Variants in TMEM230 observed in about 807,000 individuals in gnomAD.
TMEM230 encodes UPF0414 transmembrane protein C20orf30.
TMEM230 carries 10 observed loss-of-function variants against 15.8 expected under a neutral mutation model. That is an observed-to-expected ratio of 0.63 (90% CI 0.39 to 1.07). The LOEUF (loss-of-function observed/expected upper bound fraction) is 1.07, where lower values mean the gene tolerates loss of function less well. Ranked by LOEUF, TMEM230 falls within the 50% of genes least tolerant of loss-of-function variation. TMEM230 has a pLI of 0.01. For synonymous variants in TMEM230, 67 were observed against 76.9 expected, an observed-to-expected ratio of 0.87 and a Z score of 0.68; for missense variants, 165 against 193.3, an observed-to-expected ratio of 0.85 and a Z score of 0.87.
chr20:5,059,894 G>A, the TMEM230 span, among the ~76,000 whole-genome samples: 1 of 126,274 alleles, frequency 7.9e-6, no homozygotes, highest in Non-Finnish European at 1.7e-5. Flanking sequence ...GTTCTCCTGC[G>A]TCAGCCTCCT....
intron 3 of TMEM230, among the ~76,000 whole-genome samples, chr20:5,092,693 C>T (rs988854619): frequency 7.6e-5 from 9 of 118,980 alleles, no homozygotes; most frequent in African/African-American, 2.3e-4. Flanking sequence ...CCAGCCTGGG[C>T]AACAAGAGCA....
At chr20:5,083,285 A>ATTTTTTTTTTTTTTTTTTTTTTT (rs71197748) in intron 3 of TMEM230, among the ~76,000 whole-genome samples, 1 of 119,938 alleles carries the variant, frequency 8.3e-6, no homozygotes, top group Non-Finnish European at 1.7e-5. Flanking sequence ...GGTTAGGGAG[A>ATTTTTTTTTTTTTTTTTTTTTTT]TTTTTTTTTT....
At chr20:5,087,621 T>C (rs2089381855) in intron 3 of TMEM230, among the ~76,000 whole-genome samples, 1 of 146,830 alleles carries the variant, frequency 6.8e-6, no homozygotes, top group South Asian at 2.3e-4. Context: ...TCCCCTACCC[T>C]AGCTGGGGGT....
intron 4 of TMEM230, among the ~76,000 whole-genome samples, chr20:5,105,700 A>C (rs2090048114): frequency 6.6e-6 from 1 of 152,150 alleles, no homozygotes; most frequent in African/African-American, 2.4e-5. Context: ...AAAATACCTC[A>C]TGTATCCCCT....
chr20:5,095,690 T>G (rs1189200631), downstream of TMEM230, among the ~76,000 whole-genome samples: 3 of 152,156 alleles, frequency 2.0e-5, no homozygotes, highest in African/African-American at 7.2e-5. Flanking sequence ...CAGTCAGCGC[T>G]TCTCAGACAC....
At chr20:5,094,026 T>C (rs2089590782) in intron 3 of TMEM230, among the ~76,000 whole-genome samples, 1 of 150,872 alleles carries the variant, frequency 6.6e-6, no homozygotes, top group African/African-American at 2.4e-5. Flanking sequence ...CAATCTTGGC[T>C]TGGCTCACTG....
chr20:5,075,999 C>T (rs2088981536), intron 3 of TMEM230, among the ~76,000 whole-genome samples: 1 of 151,730 alleles, frequency 6.6e-6, no homozygotes, highest in Non-Finnish European at 1.5e-5. Flanking sequence ...GTACTAGCTA[C>T]TTGTGGGGCT....
At chr20:5,103,230 G>A (rs1190887032) in intron 4 of TMEM230, among the ~76,000 whole-genome samples, 1 of 152,190 alleles carries the variant, frequency 6.6e-6, no homozygotes, top group African/African-American at 2.4e-5. Context: ...GGGAGGCTGA[G>A]GCAGGAGGAT....
At chr20:5,081,361 T>C (rs2089168671) in intron 3 of TMEM230, among the ~76,000 whole-genome samples, 1 of 152,174 alleles carries the variant, frequency 6.6e-6, no homozygotes, top group African/African-American at 2.4e-5. Flanking sequence ...CATGCCCTTT[T>C]TCTAAGTAGA....
intron 3 of TMEM230, among the ~76,000 whole-genome samples, chr20:5,091,270 G>T (rs1364982035): frequency 6.6e-6 from 1 of 152,150 alleles, no homozygotes; most frequent in Non-Finnish European, 1.5e-5. Context: ...GCCCAGGCTG[G>T]AGTGCAATGG....
intron 3 of TMEM230, among the ~76,000 whole-genome samples, chr20:5,108,799 CT>C (rs1459416187): frequency 6.6e-6 from 1 of 152,140 alleles, no homozygotes; most frequent in East Asian, 1.9e-4. Flanking sequence ...AGGATACAAA[CT>C]TAATAAATAC....
At chr20:5,108,043 G>C (rs1019874488) in intron 3 of TMEM230, among the ~76,000 whole-genome samples, 3 of 151,998 alleles carry the variant, frequency 2.0e-5, no homozygotes, top group African/African-American at 7.3e-5. Context: ...GAACCAGGAG[G>C]GGGAGGTTGC....
intron 3 of TMEM230, among the ~76,000 whole-genome samples, chr20:5,090,848 C>T (rs557481214): frequency 6.6e-6 from 1 of 152,108 alleles, no homozygotes; most frequent in South Asian, 2.1e-4. Context: ...ATTGATAAGG[C>T]CTAATACTGA....
chr20:5,075,009 C>T (rs1252406264), intron 3 of TMEM230, among the ~76,000 whole-genome samples: 6 of 150,462 alleles, frequency 4.0e-5, no homozygotes, highest in South Asian at 2.1e-4. Flanking sequence ...AAAAGGCATA[C>T]AGAATGTAGG....
chr20:5,082,301 C>G (rs898223487), intron 3 of TMEM230, among the ~76,000 whole-genome samples: 5 of 150,614 alleles, frequency 3.3e-5, no homozygotes, highest in African/African-American at 1.2e-4. Flanking sequence ...AGTGCAGAGG[C>G]ATAATCCCGG....
At chr20:5,063,543 C>T (rs984929891), downstream of TMEM230, among the ~76,000 whole-genome samples, 14 of 152,134 alleles carry the variant, frequency 9.2e-5, 1 homozygote, top group Admixed American at 5.9e-4. Flanking sequence ...CCCACCTCGG[C>T]CTCCCAGAGT....
downstream of TMEM230, among the ~76,000 whole-genome samples, chr20:5,095,643 G>A (rs1266865037): frequency 6.6e-6 from 1 of 152,174 alleles, no homozygotes; most frequent in Non-Finnish European, 1.5e-5. Flanking sequence ...CAGTCTCAAG[G>A]TGAGGAGATG....
At chr20:5,104,990 A>G (rs1170281231) in intron 4 of TMEM230, among the ~76,000 whole-genome samples, 3 of 152,356 alleles carry the variant, frequency 2.0e-5, no homozygotes, top group Admixed American at 6.5e-5. Flanking sequence ...ACATTTAAAA[A>G]TATAATAACT....
chr20:5,068,307 C>CT (rs1451664457), downstream of TMEM230: 2 of 152,178 alleles, frequency 1.3e-5, no homozygotes, highest in African/African-American at 4.8e-5. Flanking sequence ...GAAAACGTAG[C>CT]TTTTCTATTA....
Sources: gnomAD v4.1 joint callset for allele counts (sites outside exome capture counted in the v4.1 genomes callset) on GRCh38, gnomAD v4.1.1 for gene constraint, MANE v1.5 for transcripts, NCBI Gene and HGNC (gene_info 2026-07-23, HGNC 2026-07-21) for gene names.